OR3A2: variants seen among roughly 807,000 people sequenced by gnomAD.
The protein encoded by OR3A2 is olfactory receptor 3A2.
For synonymous variants in OR3A2, 126 were observed against 159.3 expected (o/e 0.79, Z 1.57); for missense variants, 318 against 392.8 (o/e 0.81, Z 1.61).
chr17:3,310,676 C>T, intron 3 of OR3A2: 1 of 543,892 alleles, frequency 1.8e-6, no homozygotes. Flanking sequence ...CCATCATGGC[C>T]TATGACCGCT....
intron 3 of OR3A2, among the ~76,000 whole-genome samples, chr17:3,300,808 AT>A (rs1388767350): frequency 6.6e-6 from 1 of 151,816 alleles, no homozygotes; most frequent in South Asian, 2.1e-4. Context: ...CGTCATTTAC[AT>A]TAGGTATATC....
rs1417657193 is a variant in OR3A2, at chr17:3,311,294, A to G, written c.-85+24739T>C. On this transcript the variant is annotated intron_variant, in intron 3 of 4. Coordinates refer to the OR3A2 transcript ENST00000573491. This position sits in a 1 kb window ranked among gnomAD's most constrained non-coding sequence, Gnocchi z 4.6. ...GTTCCCTATGCTGCCTGCAGTTCAC[A>G]GCTCTTCTTTCCCCACCTCCTGGCT... The G allele has an allele frequency of 1.9e-6, 1 of 535,004 alleles. No individual in the cohort carries two copies. Among genetic ancestry groups the G allele is most frequent in the Admixed American group, 1.9e-5 (1 of 51,614 alleles). 33.1% of individuals were successfully genotyped at this position (535,004 alleles called of 1,614,324 possible).
At chr17:3,299,412 T>A (rs985171684) in intron 3 of OR3A2, among the ~76,000 whole-genome samples, 2 of 152,154 alleles carry the variant, frequency 1.3e-5, no homozygotes, top group African/African-American at 4.8e-5. Flanking sequence ...GAATTGCATC[T>A]TGGGGACCCC....
chr17:3,368,267 T>C (rs1379916305), intron 2 of OR3A2, among the ~76,000 whole-genome samples: 3 of 152,330 alleles, frequency 2.0e-5, no homozygotes, highest in Non-Finnish European at 4.4e-5. Flanking sequence ...TCTTTGTTTT[T>C]ATTGCATTTG....
intron 2 of OR3A2, among the ~76,000 whole-genome samples, chr17:3,350,353 C>T (rs1378766498): frequency 6.7e-6 from 1 of 149,472 alleles, no homozygotes; most frequent in East Asian, 2.0e-4. Context: ...AAGGGGATAT[C>T]ACCACCAATC....
rs916366396 is a variant in OR3A2 at position 3,331,974 on chromosome 17, G to T, written c.-85+4059C>A. Among the ~76,000 whole-genome samples the T allele has an allele frequency of 5.0e-3, 754 of 150,590 alleles. 4 individuals are homozygous for T. The highest frequency in any genetic ancestry group is 0.018 in the African/African-American group (716 of 40,740). ...TGCAGGTCTGTTGGAATACCCTGCCGTGTGAGATGTCAGTGTGCCCCTGCT... is the reference window on the plus strand; with the variant it reads ...TGCAGGTCTGTTGGAATACCCTGCCTTGTGAGATGTCAGTGTGCCCCTGCT... On this transcript the variant is annotated intron_variant, in intron 3 of 4. Transcript: ENST00000573491.
intron 3 of OR3A2, chr17:3,292,031 G>A (rs1183599635): frequency 1.2e-6 from 2 of 1,614,110 alleles, no homozygotes; most frequent in Non-Finnish European, 1.7e-6. Flanking sequence ...AGAGCTGTGG[G>A]AGGTCACAGT....
chr17:3,353,033 G>A (rs1323525556), intron 2 of OR3A2, among the ~76,000 whole-genome samples: 1 of 151,162 alleles, frequency 6.6e-6, no homozygotes, highest in Non-Finnish European at 1.5e-5. Context: ...TTCCTTTTCA[G>A]ATTGTTCACT....
chr17:3,307,446 C>A (rs1244281868), intron 3 of OR3A2, among the ~76,000 whole-genome samples: 3 of 152,210 alleles, frequency 2.0e-5, no homozygotes. Flanking sequence ...TCAAGTGATC[C>A]TGCAAAGAGC....
chr17:3,293,928 G>A (rs942800423), intron 3 of OR3A2, among the ~76,000 whole-genome samples: 3 of 152,090 alleles, frequency 2.0e-5, no homozygotes, highest in African/African-American at 7.2e-5. Context: ...TACACAGACA[G>A]GGAAACAACA....
chr17:3,345,341 T>C (rs903600724), intron 2 of OR3A2, among the ~76,000 whole-genome samples: 1 of 152,058 alleles, frequency 6.6e-6, no homozygotes, highest in Non-Finnish European at 1.5e-5. Flanking sequence ...ATCATGTTTT[T>C]AGGACCTTTT....
intron 3 of OR3A2, among the ~76,000 whole-genome samples, chr17:3,294,526 C>G (rs905037482): frequency 6.6e-6 from 1 of 152,108 alleles, no homozygotes; most frequent in African/African-American, 2.4e-5. Context: ...TTATTTAAAA[C>G]TCAATTTTAA....
At position 3,319,938 on chromosome 17, in the gene OR3A2, T is replaced by C. The variant is rs552419170; in HGVS notation, c.-85+16095A>G. Among the ~76,000 whole-genome samples, 21 of 152,282 alleles carry C rather than the reference T, an allele frequency of 1.4e-4. No individual in the cohort carries two copies. The East Asian group carries it at 2.7e-3, about 20-fold the overall frequency. On this transcript the variant is annotated intron_variant, in intron 3 of 4. Transcript: ENST00000573491. ...AAATGGTATTTCTAGTTCTAGATCC[T>C]TGAGGAATCGCCACACTGACTTCCA...
At chr17:3,333,973 A>G (rs986907091) in intron 3 of OR3A2, among the ~76,000 whole-genome samples, 9 of 152,240 alleles carry the variant, frequency 5.9e-5, no homozygotes, top group African/African-American at 1.9e-4. Flanking sequence ...TCAAAAGAAG[A>G]CATTCATGCC....
intron 2 of OR3A2, among the ~76,000 whole-genome samples, chr17:3,371,875 G>A (rs1478931986): frequency 7.0e-6 from 1 of 143,294 alleles, no homozygotes; most frequent in Non-Finnish European, 1.5e-5. Flanking sequence ...CGGGAGGGGA[G>A]CTGACCCCCC....
chr17:3,301,780 A>C (rs561818040), intron 3 of OR3A2, among the ~76,000 whole-genome samples: 1 of 152,276 alleles, frequency 6.6e-6, no homozygotes, highest in South Asian at 2.1e-4. Flanking sequence ...CTATGTCCTG[A>C]ATGGTATTGT....
intron 2 of OR3A2, among the ~76,000 whole-genome samples, chr17:3,375,299 CCT>C (rs1491214194): frequency 1.1e-5 from 1 of 92,596 alleles, no homozygotes; most frequent in Non-Finnish European, 2.2e-5. Context: ...CAGATTTCTT[CCT>C]TTTTTTTTTT....
intron 3 of OR3A2, among the ~76,000 whole-genome samples, chr17:3,293,537 A>T (rs1469862419): frequency 6.6e-6 from 1 of 152,218 alleles, no homozygotes. Flanking sequence ...GCAAAAACTC[A>T]TGTCATTTAA....
At chr17:3,324,060 T>C (rs1285688254) in intron 3 of OR3A2, among the ~76,000 whole-genome samples, 2 of 152,084 alleles carry the variant, frequency 1.3e-5, no homozygotes, top group Non-Finnish European at 2.9e-5. Flanking sequence ...TTCATTTCTT[T>C]TTGTTCTTTT....
Sources: allele counts gnomAD v4.1 joint callset (sites outside exome capture counted in the v4.1 genomes callset), GRCh38; gene constraint gnomAD v4.1.1; non-coding constraint Gnocchi (gnomAD v3.1); transcripts MANE v1.5; gene names NCBI Gene and HGNC (gene_info 2026-07-23, HGNC 2026-07-21).